Variants in CYLC2 observed in about 807,000 individuals in gnomAD.
CYLC2 encodes cylicin-2.
CYLC2 carries 30 observed loss-of-function variants against 26.1 expected under a neutral mutation model. The observed-to-expected ratio is 1.15, with a 90% CI of 0.86 to 1.56. The LOEUF (loss-of-function observed/expected upper bound fraction) is 1.56. Ranked by LOEUF, CYLC2 falls within the 40% of genes most tolerant of loss-of-function variation. CYLC2 has a pLI of 0.00. For synonymous variants in CYLC2, 158 were observed against 132.8 expected, an observed-to-expected ratio of 1.19 and a Z score of -1.31; for missense variants, 498 against 394.4, an observed-to-expected ratio of 1.26 and a Z score of -2.23.
intron 5 of CYLC2, among the ~76,000 whole-genome samples, chr9:103,008,318 T>C (rs753949790): frequency 5.9e-5 from 9 of 152,162 alleles, no homozygotes; most frequent in Non-Finnish European, 5.9e-5. Context: ...AGCAGTGTCC[T>C]TTTATTCCAG....
intron 6 of CYLC2, among the ~76,000 whole-genome samples, chr9:103,013,867 T>C (rs188343842): frequency 8.9e-6 from 1 of 111,914 alleles, no homozygotes; most frequent in African/African-American, 3.7e-5. Flanking sequence ...TTATATATTA[T>C]ATATTATACA....
intron 6 of CYLC2, among the ~76,000 whole-genome samples, chr9:103,013,059 C>T (rs1829424974): frequency 7.0e-6 from 1 of 143,400 alleles, no homozygotes; most frequent in South Asian, 2.2e-4. Context: ...CACTTAAAAA[C>T]TAATTGTATA....
In CYLC2 at chr9:103,004,736, A is replaced by G. The variant is rs1829321238; in HGVS notation, c.222A>G (p.Pro74=). The change falls in exon 4 of 8, where the codon CCA becomes CCG. Residue 74 remains proline, a synonymous_variant. Coordinates refer to ENST00000374798, the MANE Select transcript of CYLC2 (RefSeq NM_001340.5). ...EEQLRGDRRQ[P]LWMYRSLMRI... ...AATTAAGAGGAGATCGTAGACAACC[A>G]TTATGGATGTACCGTTCTTTAATGA... 1 of 1,607,294 alleles carries G rather than the reference A, an allele frequency of 6.2e-7. No homozygotes were observed. Among genetic ancestry groups the G allele is most frequent in the African/African-American group, 1.3e-5 (1 of 74,686 alleles).
At position 103,011,453 on chromosome 9, in the gene CYLC2, T is replaced by C. The variant is rs73659655; in HGVS notation, c.*701-529T>C. 8.2e-4 allele frequency among the ~76,000 whole-genome samples: 125 copies of C among 152,198 alleles called. 1 individual carries two copies. Among genetic ancestry groups the C allele is most frequent in the African/African-American group, 2.9e-3 (121 of 41,560 alleles). On this transcript the variant is annotated intron_variant, in intron 5 of 7. Transcript: ENST00000374798. ...TTTTGGTACTTTAGGTTGAGGAACT[T>C]AAGCTATTTCTATAGAAAAGGTGAC... is the stretch of plus-strand genomic sequence containing the variant.
At chr9:103,001,983 T>C (rs1326319808) in intron 2 of CYLC2, among the ~76,000 whole-genome samples, 3 of 152,160 alleles carry the variant, frequency 2.0e-5, no homozygotes, top group Non-Finnish European at 1.5e-5. Context: ...CAGCTTATAA[T>C]TGGCCCCAAA....
At chr9:103,014,193 T>G (rs1829459174) in intron 6 of CYLC2, among the ~76,000 whole-genome samples, 1 of 123,488 alleles carries the variant, frequency 8.1e-6, no homozygotes, top group Non-Finnish European at 1.6e-5. Flanking sequence ...ATATAATATA[T>G]AATATGAATA....
At chr9:103,015,335 TTA>T (rs1330573999) in intron 6 of CYLC2, among the ~76,000 whole-genome samples, 4 of 129,636 alleles carry the variant, frequency 3.1e-5, no homozygotes, top group African/African-American at 5.9e-5. Flanking sequence ...ATACAATATA[TTA>T]TGTTATATAT....
At chr9:103,017,826 A>T (rs1829523013) in intron 7 of CYLC2, among the ~76,000 whole-genome samples, 1 of 151,934 alleles carries the variant, frequency 6.6e-6, no homozygotes, top group Non-Finnish European at 1.5e-5. Flanking sequence ...ATTTCTTCTC[A>T]AGCCTCTCTC....
chr9:103,016,037 A>G (rs1050497012), intron 6 of CYLC2, among the ~76,000 whole-genome samples: 14 of 151,284 alleles, frequency 9.3e-5, no homozygotes, highest in African/African-American at 3.4e-4. Flanking sequence ...TTTGATAGAT[A>G]ATTGGTAATT....
intron 1 of CYLC2, among the ~76,000 whole-genome samples, chr9:102,997,044 T>C (rs1467596952): frequency 6.6e-6 from 1 of 151,912 alleles, no homozygotes; most frequent in Non-Finnish European, 1.5e-5. Context: ...GTATCTAATG[T>C]ATATTTTATG....
At chr9:103,013,385 A>AT (rs1564100533) in intron 6 of CYLC2, among the ~76,000 whole-genome samples, 8 of 64,388 alleles carry the variant, frequency 1.2e-4, no homozygotes, top group African/African-American at 3.7e-4. Context: ...ATATTATATA[A>AT]ATATATATTA....
At chr9:102,998,842 T>C (rs971745563) in intron 1 of CYLC2, among the ~76,000 whole-genome samples, 1 of 151,944 alleles carries the variant, frequency 6.6e-6, no homozygotes, top group African/African-American at 2.4e-5. Context: ...TTGAAGTGAA[T>C]ACAATAAAAT....
At chr9:102,996,398 C>A (rs745740040) in intron 1 of CYLC2, among the ~76,000 whole-genome samples, 7 of 151,824 alleles carry the variant, frequency 4.6e-5, no homozygotes, top group Non-Finnish European at 1.0e-4. Flanking sequence ...AAATAGCTTT[C>A]AGAGAACTTG....
At chr9:103,016,097 ATATC>A (rs1253986247) in intron 6 of CYLC2, among the ~76,000 whole-genome samples, 5 of 151,816 alleles carry the variant, frequency 3.3e-5, no homozygotes, top group Non-Finnish European at 7.4e-5. Flanking sequence ...GATATTATCT[ATATC>A]TACATATACA....
At chr9:103,012,593 C>T (rs1373065069) in intron 6 of CYLC2, among the ~76,000 whole-genome samples, 1 of 151,734 alleles carries the variant, frequency 6.6e-6, no homozygotes, top group Admixed American at 6.6e-5. Context: ...AATAAAATTG[C>T]TTGTGTAAAT....
At chr9:103,007,082 A>T (rs535115450) in intron 5 of CYLC2, among the ~76,000 whole-genome samples, 13 of 152,242 alleles carry the variant, frequency 8.5e-5, no homozygotes, top group African/African-American at 3.1e-4. Context: ...ATCAAACTAA[A>T]GGTTCAAATT....
chr9:102,995,540 C>T (rs1364109421), intron 1 of CYLC2, 143 bp downstream of exon 1: 13 of 631,554 alleles, frequency 2.1e-5, no homozygotes, highest in Non-Finnish European at 3.5e-5. Flanking sequence ...CAAAGATTCT[C>T]AAGCAACATA....
At chr9:103,013,680 T>C (rs1444839693) in intron 6 of CYLC2, among the ~76,000 whole-genome samples, 1 of 111,592 alleles carries the variant, frequency 9.0e-6, no homozygotes, top group Non-Finnish European at 1.6e-5. Flanking sequence ...ATAATATATA[T>C]GATATATAAT....
At chr9:103,015,868 C>T (rs1196565314) in intron 6 of CYLC2, among the ~76,000 whole-genome samples, 2 of 150,156 alleles carry the variant, frequency 1.3e-5, no homozygotes, top group East Asian at 2.0e-4. Flanking sequence ...ACCTCTGTAA[C>T]CAGATAAGAT....
Sources: gnomAD v4.1 joint callset for allele counts (sites outside exome capture counted in the v4.1 genomes callset) on GRCh38, gnomAD v4.1.1 for gene constraint, MANE v1.5 for transcripts, NCBI Gene and HGNC (gene_info 2026-07-23, HGNC 2026-07-21) for gene names.